The following SHB variants were observed in gnomAD, a reference collection of about 807,000 sequenced individuals.
The protein encoded by SHB is SH2 domain-containing adapter protein B.
Under a neutral mutation model 52.3 loss-of-function variants are expected in SHB, and 20 were observed. That is an observed-to-expected ratio of 0.38 (90% confidence interval 0.27 to 0.56). The LOEUF is 0.56. SHB is among the 20% of genes least tolerant of loss of function. The pLI, the probability that SHB is intolerant of heterozygous loss-of-function variation, is 0.71. For synonymous variants in SHB, 397 were observed against 316.5 expected (o/e 1.25, Z -2.70); for missense variants, 825 against 723.3 (o/e 1.14, Z -1.61).
At chr9:37,954,753 C>T (rs1832608354) in intron 4 of SHB, among the ~76,000 whole-genome samples, 1 of 152,188 alleles carries the variant, frequency 6.6e-6, no homozygotes, top group Non-Finnish European at 1.5e-5. Context: ...AGTTTGCAGA[C>T]AATTCACAGA....
intron 1 of SHB, among the ~76,000 whole-genome samples, chr9:38,051,733 C>G (rs1413852047): frequency 2.0e-5 from 3 of 152,154 alleles, no homozygotes; most frequent in Admixed American, 2.0e-4. Flanking sequence ...AACATTATTC[C>G]TAGATCTTTA....
At chr9:37,933,611 C>T (rs1032895980) in intron 5 of SHB, among the ~76,000 whole-genome samples, 2 of 152,148 alleles carry the variant, frequency 1.3e-5, no homozygotes, top group Admixed American at 6.5e-5. Context: ...GTTGTAAACT[C>T]GCCCTCTAAG....
At position 37,974,637 on chromosome 9, in the gene SHB, T is replaced by C. The variant is rs1462431908; in HGVS notation, c.1039A>G (p.Ile347Val). 30 of 1,612,852 alleles carry C rather than the reference T, an allele frequency of 1.9e-5. No individual in the cohort carries two copies. Among genetic ancestry groups the C allele is most frequent in the Non-Finnish European group, 2.5e-5 (29 of 1,179,846 alleles). ...GGCTCCTTACCTGCCAGGGCTGGGATGGTGACCCGGTTCCACTCCCAAGGC... is the reference window on the plus strand; with the variant it reads ...GGCTCCTTACCTGCCAGGGCTGGGACGGTGACCCGGTTCCACTCCCAAGGC... ...DQPWEWNRVT[I>V]PALAAQFNGN... The change falls in exon 3 of 6, where the codon ATC (isoleucine) becomes GTC (valine). Residue 347 changes from isoleucine (I) to valine (V), a missense_variant. Ile to Val is a conservative substitution (Grantham distance 29). Transcript: ENST00000377707.
At chr9:37,991,284 C>A (rs187167047) in intron 2 of SHB, among the ~76,000 whole-genome samples, 2 of 152,270 alleles carry the variant, frequency 1.3e-5, no homozygotes, top group East Asian at 3.9e-4. Flanking sequence ...GAATTTCCCA[C>A]CTCCGCTTCT....
At chr9:38,052,531 T>A (rs1325817157) in intron 1 of SHB, among the ~76,000 whole-genome samples, 1 of 152,224 alleles carries the variant, frequency 6.6e-6, no homozygotes, top group Non-Finnish European at 1.5e-5. Flanking sequence ...CCCAGTGTCA[T>A]CTGAGAGCTG....
At chr9:38,038,142 C>T (rs1821512670) in intron 1 of SHB, among the ~76,000 whole-genome samples, 1 of 152,186 alleles carries the variant, frequency 6.6e-6, no homozygotes, top group Non-Finnish European at 1.5e-5. Context: ...CCATCCTACG[C>T]CCCATGCATG....
intron 1 of SHB, among the ~76,000 whole-genome samples, chr9:38,067,305 C>T (rs1317779957): frequency 6.6e-6 from 1 of 152,124 alleles, no homozygotes; most frequent in Admixed American, 6.5e-5. Flanking sequence ...GAGGAGCGCT[C>T]TTGCAGGCAG....
At chr9:38,047,455 G>T (rs999667036) in intron 1 of SHB, among the ~76,000 whole-genome samples, 4 of 152,218 alleles carry the variant, frequency 2.6e-5, no homozygotes, top group African/African-American at 9.6e-5. Context: ...AGGCTTCACT[G>T]AGCACCTGTC....
At chr9:38,056,379 T>C (rs1297950055) in intron 1 of SHB, among the ~76,000 whole-genome samples, 2 of 152,236 alleles carry the variant, frequency 1.3e-5, no homozygotes, top group Non-Finnish European at 2.9e-5. Flanking sequence ...TCTTCCAGGC[T>C]GGAATACACT....
At chr9:37,982,115 A>G (rs1820735296) in intron 2 of SHB, among the ~76,000 whole-genome samples, 1 of 152,036 alleles carries the variant, frequency 6.6e-6, no homozygotes, top group African/African-American at 2.4e-5. Flanking sequence ...AAAATGCAAT[A>G]CCTGCAAACC....
At chr9:37,986,390 T>C (rs887223734) in intron 2 of SHB, among the ~76,000 whole-genome samples, 1 of 151,614 alleles carries the variant, frequency 6.6e-6, no homozygotes, top group African/African-American at 2.4e-5. Context: ...AAACAGGGAA[T>C]GGCCCCCACA....
intron 2 of SHB, among the ~76,000 whole-genome samples, chr9:37,975,529 G>T (rs890794850): frequency 6.6e-6 from 1 of 152,248 alleles, no homozygotes; most frequent in Non-Finnish European, 1.5e-5. Flanking sequence ...TGGCACTGGT[G>T]TGGGCTGAGG....
rs77842770 is a variant in SHB, at chr9:38,041,817, G to C, written c.718-25686C>G. 5.5e-3 allele frequency among the ~76,000 whole-genome samples: 835 copies of C among 152,288 alleles called. 10 individuals carry two copies. Among genetic ancestry groups the C allele is most frequent in the African/African-American group, 0.019 (785 of 41,558 alleles). On this transcript the variant is annotated intron_variant, in intron 1 of 5. Transcript: ENST00000377707. ...GAATGCCCGAAGCACAAGCAGAGGA[G>C]AGGTACAGTGCAAGCCTTCTGATTG...
chr9:38,057,467 G>T (rs966310345), intron 1 of SHB, among the ~76,000 whole-genome samples: 4 of 152,196 alleles, frequency 2.6e-5, no homozygotes, highest in Non-Finnish European at 5.9e-5. Context: ...AGGGGTAAAA[G>T]GTTAGTCAAA....
At chr9:37,978,407 A>C (rs1301801286) in intron 2 of SHB, among the ~76,000 whole-genome samples, 1 of 152,248 alleles carries the variant, frequency 6.6e-6, no homozygotes, top group Non-Finnish European at 1.5e-5. Flanking sequence ...ATTTTCATTA[A>C]GGCCCCAACA....
At chr9:37,956,370 G>A (rs903687146) in intron 3 of SHB, among the ~76,000 whole-genome samples, 1 of 152,066 alleles carries the variant, frequency 6.6e-6, no homozygotes, top group Non-Finnish European at 1.5e-5. Flanking sequence ...GCACTGCCTT[G>A]GGGGAACTCT....
chr9:38,031,222 G>A (rs950301566), intron 1 of SHB, among the ~76,000 whole-genome samples: 1 of 152,214 alleles, frequency 6.6e-6, no homozygotes, highest in African/African-American at 2.4e-5. Flanking sequence ...TTGGGAGACT[G>A]AGGCAGGAGA....
In SHB at chr9:37,917,532, T is replaced by C. The variant is rs1219023797; in HGVS notation, c.*2289A>G. On this transcript the variant is annotated 3_prime_UTR_variant, in exon 6 of 6. Transcript: ENST00000377707. ...GTGGCTGGACCTGAACTTGCCAGTGTGAGGTCTCACCCTCCTCCCCCGCCG... is the reference window on the plus strand; with the variant it reads ...GTGGCTGGACCTGAACTTGCCAGTGCGAGGTCTCACCCTCCTCCCCCGCCG... 6.6e-6 allele frequency among the ~76,000 whole-genome samples: 1 copy of C among 152,204 alleles called. No individual in the cohort carries two copies. The highest frequency in any genetic ancestry group is 1.5e-5 in the Non-Finnish European group (1 of 68,032).
Position 38,068,671 on chromosome 9 carries a change from C to A in SHB, c.-26G>T, listed in dbSNP as rs1453534768. 1.1e-5 allele frequency: 14 copies of A among 1,292,290 alleles called. No individual in the cohort carries two copies. In the Admixed American group the frequency reaches 1.2e-4, roughly 11 times the overall value. 80.1% of individuals were successfully genotyped at this position (1,292,290 alleles called of 1,614,324 possible). A position where few individuals can be genotyped will look rare whatever the true frequency, so the allele number is the denominator to read the frequency against. On this transcript the variant is annotated 5_prime_UTR_variant, in exon 1 of 6. Transcript: ENST00000377707. ...GGCGAGAGGCCGCCTAGGGCCGCGG[C>A]GCGGGAGCCCGGTCCGCCGCCGCGG...
Sources: gnomAD v4.1 joint callset for allele counts (sites outside exome capture counted in the v4.1 genomes callset) on GRCh38, gnomAD v4.1.1 for gene constraint, MANE v1.5 for transcripts, NCBI Gene and HGNC (gene_info 2026-07-23, HGNC 2026-07-21) for gene names.